The following SLC25A26 variants were observed in gnomAD, a reference collection of about 807,000 sequenced individuals.
The protein encoded by SLC25A26 is solute carrier family 25 member 26, also known as mitochondrial S-adenosylmethionine carrier protein.
SLC25A26 carries 36 observed loss-of-function variants against 37.8 expected under a neutral mutation model. The observed-to-expected ratio is 0.95, with a 90% CI of 0.73 to 1.26. The LOEUF is 1.26. SLC25A26 is among the 50% of genes most tolerant of loss of function. SLC25A26 has a pLI of 0.00. For missense variants in SLC25A26, 390 were observed against 331.1 expected, an observed-to-expected ratio of 1.18 and a Z score of -1.38; for synonymous variants, 129 against 122.5, an observed-to-expected ratio of 1.05 and a Z score of -0.35.
At chr3:66,267,864 G>T (rs1212877438) in intron 5 of SLC25A26, among the ~76,000 whole-genome samples, 1 of 152,192 alleles carries the variant, frequency 6.6e-6, no homozygotes, top group African/African-American at 2.4e-5. Flanking sequence ...ATGTTAGGCA[G>T]TGGGGATTCC....
intron 5 of SLC25A26, among the ~76,000 whole-genome samples, chr3:66,325,164 A>C (rs968753199): frequency 6.6e-6 from 1 of 152,188 alleles, no homozygotes; most frequent in Non-Finnish European, 1.5e-5. Context: ...AGAAGCCTTC[A>C]TGCAGCTTCA....
chr3:66,230,602 A>G (rs1206992836), intron 1 of SLC25A26, among the ~76,000 whole-genome samples: 2 of 151,654 alleles, frequency 1.3e-5, no homozygotes, highest in Non-Finnish European at 2.9e-5. Context: ...TTTGGAGTTC[A>G]AGACCAGCCT....
At chr3:66,259,150 C>T (rs6774241) in intron 3 of SLC25A26, among the ~76,000 whole-genome samples, 4,604 of 152,230 alleles carry the variant, frequency 0.03, 231 homozygotes, top group African/African-American at 0.1. Context: ...ACGTGAGAGT[C>T]GGAAGCTGGG....
chr3:66,196,189 GT>G (rs1317695831), intron 1 of SLC25A26, among the ~76,000 whole-genome samples: 1 of 152,088 alleles, frequency 6.6e-6, no homozygotes, highest in Non-Finnish European at 1.5e-5. Context: ...GGGACAGAAA[GT>G]TTAAAACCAT....
In SLC25A26 at chr3:66,370,576, G is replaced by A. The variant is rs374446152; in HGVS notation, c.681G>A (p.Gly227=). Reference sequence around the variant, plus strand: ...GGAATGTGCTCTCTGTCCTGCATGGGGTCTGGCGGTCACAGGGGCTGGCAG... The same window carrying A: ...GGAATGTGCTCTCTGTCCTGCATGGAGTCTGGCGGTCACAGGGGCTGGCAG... ...ADGNVLSVLH[G]VWRSQGLAGL... Residue 227 remains glycine (G), a synonymous_variant, in exon 9 of 10, where the codon GGG becomes GGA. Coordinates refer to ENST00000354883, the MANE Select transcript of SLC25A26 (RefSeq NM_001379210.1). 6.2e-7 allele frequency: 1 copy of A among 1,613,738 alleles called. No individual in the cohort carries two copies. The highest frequency in any genetic ancestry group is 1.3e-5 in the African/African-American group (1 of 74,902).
intron 9 of SLC25A26, among the ~76,000 whole-genome samples, chr3:66,375,376 A>T (rs6778651): frequency 0.038 from 5,719 of 152,322 alleles, 342 homozygotes; most frequent in African/African-American, 0.13. Context: ...ACAGATTTTC[A>T]GGGTAGATGA....
chr3:66,151,266 A>C (rs1245639696), intron 1 of SLC25A26, among the ~76,000 whole-genome samples: 2 of 151,764 alleles, frequency 1.3e-5, no homozygotes, highest in Non-Finnish European at 2.9e-5. Context: ...TCTGCCTACC[A>C]CCTCCAATAA....
chr3:66,171,253 G>A (rs1260047642), intron 1 of SLC25A26, among the ~76,000 whole-genome samples: 2 of 152,162 alleles, frequency 1.3e-5, no homozygotes, highest in Non-Finnish European at 2.9e-5. Flanking sequence ...GGAATGCAAT[G>A]TTTTTGTAAA....
intron 1 of SLC25A26, among the ~76,000 whole-genome samples, chr3:66,135,247 C>T (rs1175532737): frequency 6.6e-6 from 1 of 152,170 alleles, no homozygotes; most frequent in Non-Finnish European, 1.5e-5. Context: ...ATTTGAATTT[C>T]AGAAATGTTT....
intron 6 of SLC25A26, among the ~76,000 whole-genome samples, chr3:66,349,197 T>C (rs1228104843): frequency 6.6e-6 from 1 of 152,254 alleles, no homozygotes; most frequent in East Asian, 1.9e-4. Flanking sequence ...AAAAATTCTC[T>C]TTGAGCAAAT....
chr3:66,249,065 G>A (rs565447683), intron 3 of SLC25A26, among the ~76,000 whole-genome samples: 13 of 152,288 alleles, frequency 8.5e-5, no homozygotes, highest in African/African-American at 2.9e-4. Flanking sequence ...ACTGGGTGTG[G>A]TGTACCACTT....
intron 1 of SLC25A26, among the ~76,000 whole-genome samples, chr3:66,172,994 G>A (rs964195925): frequency 3.2e-4 from 49 of 152,270 alleles, no homozygotes; most frequent in African/African-American, 1.1e-3. Flanking sequence ...TATGAATTTG[G>A]AGGCGGACAC....
At chr3:66,223,916 T>G (rs981545018) in intron 1 of SLC25A26, among the ~76,000 whole-genome samples, 4 of 152,186 alleles carry the variant, frequency 2.6e-5, no homozygotes, top group Non-Finnish European at 5.9e-5. Context: ...AAGATATTTA[T>G]ATAAATAACA....
intron 5 of SLC25A26, chr3:66,304,389 T>G: frequency 2.2e-6 from 1 of 455,570 alleles, no homozygotes; most frequent in Non-Finnish European, 4.4e-6. Context: ...ATCTTCCCTT[T>G]TCTGTTCAGT....
intron 5 of SLC25A26, among the ~76,000 whole-genome samples, chr3:66,293,563 G>T (rs971097742): frequency 2.0e-5 from 3 of 151,284 alleles, no homozygotes; most frequent in Admixed American, 2.0e-4. Context: ...CCGATAGGCT[G>T]CAGTGTCTCT....
At position 66,243,128 on chromosome 3, in the gene SLC25A26, T is replaced by G. The variant is rs1040695910; in HGVS notation, c.191-75T>G. 8 of 710,570 alleles carry G rather than the reference T, an allele frequency of 1.1e-5. No homozygotes were observed. The African/African-American group carries it at 1.2e-4, about 11-fold the overall frequency. The allele number at this position is 710,570 out of a possible 1,614,324, so 44.0% of individuals were successfully genotyped here. On this transcript the variant is annotated intron_variant, in intron 2 of 9. Transcript: ENST00000354883. ...TAATTTAATAATTATTGTCATACTT[T>G]TTGAGAAACATGTTTCTTAACAGTG...
At chr3:66,146,566 T>A (rs923955513) in intron 1 of SLC25A26, among the ~76,000 whole-genome samples, 32 of 152,124 alleles carry the variant, frequency 2.1e-4, no homozygotes, top group African/African-American at 7.5e-4. Flanking sequence ...AAAACTAATA[T>A]AAGCAAAGCA....
intron 5 of SLC25A26, among the ~76,000 whole-genome samples, chr3:66,339,663 T>C (rs1262420964): frequency 6.6e-6 from 1 of 152,028 alleles, no homozygotes; most frequent in Non-Finnish European, 1.5e-5. Context: ...GCTTGTTGTC[T>C]ATTTGTGCAT....
intron 1 of SLC25A26, among the ~76,000 whole-genome samples, chr3:66,170,493 T>C (rs1165087177): frequency 6.6e-6 from 1 of 152,190 alleles, no homozygotes; most frequent in Non-Finnish European, 1.5e-5. Context: ...GAAGAGCGCA[T>C]GGTACTATAT....
Sources: allele counts gnomAD v4.1 joint callset (sites outside exome capture counted in the v4.1 genomes callset), GRCh38; gene constraint gnomAD v4.1.1; transcripts MANE v1.5; gene names NCBI Gene and HGNC (gene_info 2026-07-23, HGNC 2026-07-21).